The following SH3RF3 variants were observed in gnomAD, a reference collection of about 807,000 sequenced individuals.
The protein encoded by SH3RF3 is E3 ubiquitin-protein ligase SH3RF3.
SH3RF3 carries 29 observed loss-of-function variants against 66.3 expected under a neutral mutation model. The observed-to-expected ratio is 0.44, with a 90% CI of 0.33 to 0.60. The LOEUF (loss-of-function observed/expected upper bound fraction) is 0.60, where lower values mean the gene tolerates loss of function less well. Ranked by LOEUF, SH3RF3 falls within the 20% of genes least tolerant of loss-of-function variation. The pLI, the probability that SH3RF3 is intolerant of heterozygous loss-of-function variation, is 0.04. For synonymous variants in SH3RF3, 583 were observed against 532.0 expected (o/e 1.10, Z -1.32); for missense variants, 1,194 against 1,190.9 (o/e 1.00, Z -0.04).
At chr2:109,261,133 G>GC (rs1021904206) in intron 1 of SH3RF3, among the ~76,000 whole-genome samples, 1 of 152,142 alleles carries the variant, frequency 6.6e-6, no homozygotes, top group African/African-American at 2.4e-5. Context: ...AGGCCCGTGA[G>GC]CTAGCCTTCT....
At chr2:109,496,286 CGCTGATTGGTGCATTTTACAGAGT>C (rs1229882545) in intron 9 of SH3RF3, among the ~76,000 whole-genome samples, 2 of 151,728 alleles carry the variant, frequency 1.3e-5, no homozygotes, top group African/African-American at 4.8e-5. Flanking sequence ...AGCTACAGAG[CGCTGATTGGTGCATTTTACAGAGT>C]GCTGATTGGT....
At chr2:109,346,227 T>G (rs921511796) in intron 1 of SH3RF3, among the ~76,000 whole-genome samples, 17 of 152,320 alleles carry the variant, frequency 1.1e-4, no homozygotes, top group African/African-American at 3.6e-4. Context: ...TCCTCTGGTG[T>G]TACTGTTTAA....
chr2:109,260,256 A>G (rs1404990874), intron 1 of SH3RF3, among the ~76,000 whole-genome samples: 1 of 152,162 alleles, frequency 6.6e-6, no homozygotes, highest in East Asian at 1.9e-4. Flanking sequence ...AAAACCATGC[A>G]AACTGACGCC....
At chr2:109,390,629 G>T (rs1375306991) in intron 3 of SH3RF3, among the ~76,000 whole-genome samples, 1 of 152,194 alleles carries the variant, frequency 6.6e-6, no homozygotes, top group Non-Finnish European at 1.5e-5. Flanking sequence ...CTATGACAAA[G>T]GTGCAAGTGG....
chr2:109,356,989 G>A (rs1238992434), intron 2 of SH3RF3, among the ~76,000 whole-genome samples: 1 of 152,130 alleles, frequency 6.6e-6, no homozygotes, highest in Non-Finnish European at 1.5e-5. Flanking sequence ...GTAGAGACAT[G>A]CTAGCACTGA....
intron 5 of SH3RF3, among the ~76,000 whole-genome samples, chr2:109,427,920 C>T (rs1042073692): frequency 2.0e-5 from 3 of 152,246 alleles, no homozygotes; most frequent in Non-Finnish European, 2.9e-5. Context: ...CAGGTGCTCG[C>T]GCACGCTCCT....
chr2:109,314,069 G>A (rs4632376), intron 1 of SH3RF3, among the ~76,000 whole-genome samples: 47,382 of 151,920 alleles, frequency 0.31, 9,164 homozygotes, highest in African/African-American at 0.55. Context: ...GAGAGGGGCC[G>A]TGAGACCCGG....
chr2:109,272,467 G>T (rs1680648836), intron 1 of SH3RF3, among the ~76,000 whole-genome samples: 1 of 152,240 alleles, frequency 6.6e-6, no homozygotes, highest in African/African-American at 2.4e-5. Flanking sequence ...CTTTCCTGGT[G>T]TGTGGGACGC....
intron 2 of SH3RF3, among the ~76,000 whole-genome samples, chr2:109,350,563 T>C (rs932090368): frequency 5.3e-5 from 8 of 152,190 alleles, no homozygotes; most frequent in African/African-American, 1.9e-4. Context: ...CTGCTACCTG[T>C]TCTGTCCTGT....
chr2:109,158,331 C>T (rs1409233260), intron 1 of SH3RF3, among the ~76,000 whole-genome samples: 1 of 152,182 alleles, frequency 6.6e-6, no homozygotes, highest in Non-Finnish European at 1.5e-5. Flanking sequence ...TTTGGGGACT[C>T]CCTCAACGCT....
chr2:109,200,919 C>T (rs13423051), intron 1 of SH3RF3, among the ~76,000 whole-genome samples: 6,325 of 152,264 alleles, frequency 0.042, 412 homozygotes, highest in African/African-American at 0.14. Context: ...GCCCTGGGTG[C>T]TGTTGGGATA....
At chr2:109,203,333 C>T (rs1276265584) in intron 1 of SH3RF3, among the ~76,000 whole-genome samples, 6 of 152,224 alleles carry the variant, frequency 3.9e-5, no homozygotes, top group East Asian at 1.9e-4. Flanking sequence ...GGCGCAGATG[C>T]GGCGGAGCTT....
intron 1 of SH3RF3, among the ~76,000 whole-genome samples, chr2:109,277,497 G>A (rs1029314639): frequency 2.0e-5 from 3 of 152,206 alleles, no homozygotes; most frequent in East Asian, 1.9e-4. Flanking sequence ...GGCAGCTGCT[G>A]CATCTCCGAG....
rs542565388 is a variant in SH3RF3 at position 109,406,073 on chromosome 2, C to T, written c.1299+7130C>T. Among the ~76,000 whole-genome samples, 74 of 152,294 alleles carry T rather than the reference C, an allele frequency of 4.9e-4. 1 individual carries two copies. The highest frequency in any genetic ancestry group is 3.4e-3 in the Middle Eastern group (1 of 294). On this transcript the variant is annotated intron_variant, in intron 4 of 9. Transcript: ENST00000309415. ...GCTGAAGGTGTCCAGGGCGTGCAGC[C>T]GGCTGAGCCTCAGATGGCCCGTCCT...
intron 1 of SH3RF3, among the ~76,000 whole-genome samples, chr2:109,202,568 T>C (rs1678701857): frequency 6.6e-6 from 1 of 152,220 alleles, no homozygotes; most frequent in Non-Finnish European, 1.5e-5. Flanking sequence ...CAGTCAGCAG[T>C]GATTATTCTT....
intron 4 of SH3RF3, among the ~76,000 whole-genome samples, chr2:109,400,394 ACG>A (rs1051605260): frequency 6.6e-6 from 1 of 152,170 alleles, no homozygotes; most frequent in African/African-American, 2.4e-5. Flanking sequence ...ATACACATGC[ACG>A]CACATATACA....
intron 1 of SH3RF3, among the ~76,000 whole-genome samples, chr2:109,343,910 T>A (rs897923145): frequency 1.3e-5 from 2 of 152,036 alleles, no homozygotes; most frequent in African/African-American, 2.4e-5. Flanking sequence ...TGCCTATTTT[T>A]AAAAAATATT....
In SH3RF3 at chr2:109,137,024, A is replaced by G. The variant is rs1307815112; in HGVS notation, c.573+6911A>G. On this transcript the variant is annotated intron_variant, in intron 1 of 9. Coordinates refer to ENST00000309415, the MANE Select transcript of SH3RF3 (RefSeq NM_001099289.3). ...TGCTGTGTACCATACACTACAGTGG[A>G]CACTGGGGGCTCCAGGGACAGCGAT... Among the ~76,000 whole-genome samples the G allele has an allele frequency of 2.0e-5, 3 of 152,228 alleles. No homozygotes were observed. In the East Asian group the frequency reaches 5.8e-4, roughly 29 times the overall value.
rs149388920 is a variant in SH3RF3, at chr2:109,278,816, C to T, written c.574-68858C>T. Among the ~76,000 whole-genome samples the T allele has an allele frequency of 5.2e-4, 79 of 152,276 alleles. 1 individual carries two copies. Among genetic ancestry groups the T allele is most frequent in the African/African-American group, 1.5e-3 (61 of 41,536 alleles). ...TGTATCTTGTTTGTGGGTATTGCAT[C>T]GGCCAAGGCAAATCGTGGGGCTAAG... On this transcript the variant is annotated intron_variant, in intron 1 of 9. Transcript: ENST00000309415.
Sources: allele counts gnomAD v4.1 joint callset (sites outside exome capture counted in the v4.1 genomes callset), GRCh38; gene constraint gnomAD v4.1.1; transcripts MANE v1.5; gene names NCBI Gene and HGNC (gene_info 2026-07-23, HGNC 2026-07-21).